Variants in RAPGEF4 observed in about 807,000 individuals in gnomAD.
RAPGEF4 encodes RAP guanine-nucleotide-exchange factor (GEF) 4.
Under a neutral mutation model 147.9 loss-of-function variants are expected in RAPGEF4, and 66 were observed. That is an observed-to-expected ratio of 0.45 (90% CI 0.37 to 0.55). The LOEUF is 0.55. Ranked by LOEUF, RAPGEF4 falls within the 20% of genes least tolerant of loss-of-function variation. The pLI is 0.00. For synonymous variants in RAPGEF4, 419 were observed against 442.7 expected (o/e 0.95, Z 0.67); for missense variants, 1,071 against 1,257.3 (o/e 0.85, Z 2.24).
chr2:172,933,470 G>A (rs2150100617), intron 6 of RAPGEF4, among the ~76,000 whole-genome samples: 1 of 152,284 alleles, frequency 6.6e-6, no homozygotes, highest in Admixed American at 6.5e-5. Flanking sequence ...GTACTGGGCA[G>A]TATCCAAGAA....
intron 4 of RAPGEF4, among the ~76,000 whole-genome samples, chr2:172,816,644 A>AGT (rs1559055689): frequency 7.9e-5 from 12 of 152,306 alleles, no homozygotes; most frequent in African/African-American, 2.6e-4. Flanking sequence ...TGTCCTTGCT[A>AGT]TCTAAAACCT....
At chr2:172,953,377 TATAA>T (rs911457011) in intron 6 of RAPGEF4, among the ~76,000 whole-genome samples, 1 of 147,938 alleles carries the variant, frequency 6.8e-6, no homozygotes, top group Admixed American at 6.8e-5. Context: ...GAGAATTATA[TATAA>T]ATATGTTATA....
intron 9 of RAPGEF4, among the ~76,000 whole-genome samples, chr2:172,966,311 A>G (rs956063259): frequency 6.6e-6 from 1 of 152,164 alleles, no homozygotes; most frequent in Non-Finnish European, 1.5e-5. Context: ...CATTCATTTC[A>G]TTTACCAACA....
intron 10 of RAPGEF4, among the ~76,000 whole-genome samples, chr2:172,969,108 G>T (rs1338352569): frequency 1.3e-5 from 2 of 152,192 alleles, no homozygotes; most frequent in Non-Finnish European, 2.9e-5. Context: ...GCAGTACCTA[G>T]GAACCCAACA....
intron 4 of RAPGEF4, among the ~76,000 whole-genome samples, chr2:172,916,483 G>A (rs1467525340): frequency 6.6e-6 from 1 of 152,116 alleles, no homozygotes; most frequent in African/African-American, 2.4e-5. Flanking sequence ...TGAAGAAGAA[G>A]AAGAGTAGAT....
intron 4 of RAPGEF4, among the ~76,000 whole-genome samples, chr2:172,815,580 A>T (rs1000119908): frequency 2.0e-5 from 3 of 152,348 alleles, no homozygotes; most frequent in African/African-American, 7.2e-5. Context: ...ATTAAAAGGG[A>T]CCAAGCTTGA....
chr2:172,860,791 T>A (rs910290178), intron 4 of RAPGEF4, among the ~76,000 whole-genome samples: 1 of 152,214 alleles, frequency 6.6e-6, no homozygotes, highest in East Asian at 1.9e-4. Flanking sequence ...GTTTGTATTG[T>A]TTCATATCTG....
intron 1 of RAPGEF4, among the ~76,000 whole-genome samples, chr2:172,750,208 C>T (rs189444470): frequency 5.9e-4 from 90 of 152,182 alleles, no homozygotes; most frequent in Admixed American, 1.8e-3. Context: ...CCCCACTCTC[C>T]TGGTACCAAT....
At chr2:172,870,832 A>G (rs987729696) in intron 4 of RAPGEF4, among the ~76,000 whole-genome samples, 4 of 152,206 alleles carry the variant, frequency 2.6e-5, no homozygotes, top group African/African-American at 9.6e-5. Flanking sequence ...CGTATAACTA[A>G]ATACAGACTA....
chr2:172,918,010 G>A (rs1684266348), intron 5 of RAPGEF4, 136 bp downstream of exon 5: 1 of 793,774 alleles, frequency 1.3e-6, no homozygotes. Flanking sequence ...AAACCTGCCA[G>A]CTCACACTGG....
chr2:172,782,138 A>G (rs1684739934), intron 1 of RAPGEF4, among the ~76,000 whole-genome samples: 1 of 152,228 alleles, frequency 6.6e-6, no homozygotes, highest in South Asian at 2.1e-4. Context: ...ACAAATAACT[A>G]ATAAATAACT....
At chr2:172,821,943 A>G in intron 4 of RAPGEF4, 1 of 1,613,528 alleles carries the variant, frequency 6.2e-7, no homozygotes, top group Non-Finnish European at 8.5e-7. Flanking sequence ...GAGAACTTTG[A>G]GAGACCGAAA....
At chr2:172,749,478 A>C (rs530415937) in intron 1 of RAPGEF4, among the ~76,000 whole-genome samples, 241 of 152,300 alleles carry the variant, frequency 1.6e-3, no homozygotes, top group Non-Finnish European at 2.5e-3. Context: ...TTAGCCATGG[A>C]TAGAGCAGCT....
intron 2 of RAPGEF4, 125 bp from the exon 3 acceptor site, chr2:172,797,400 A>G: frequency 1.5e-6 from 1 of 649,506 alleles, no homozygotes; most frequent in Non-Finnish European, 2.7e-6. Context: ...TGTGGGCAAC[A>G]GATAGGGGAA....
chr2:173,035,817 C>T (rs1371747259), intron 27 of RAPGEF4, among the ~76,000 whole-genome samples: 1 of 152,062 alleles, frequency 6.6e-6, no homozygotes, highest in Non-Finnish European at 1.5e-5. Flanking sequence ...AATGATAAGA[C>T]AATTATAAGG....
chr2:173,040,886 T>A (rs1041697982), intron 29 of RAPGEF4, among the ~76,000 whole-genome samples: 2 of 152,172 alleles, frequency 1.3e-5, no homozygotes, highest in African/African-American at 2.4e-5. Flanking sequence ...ACATGAATAT[T>A]TATAACATTT....
At chr2:172,998,301 A>G (rs1693566576) in intron 16 of RAPGEF4, among the ~76,000 whole-genome samples, 1 of 152,252 alleles carries the variant, frequency 6.6e-6, no homozygotes, top group South Asian at 2.1e-4. Flanking sequence ...TAATATTAGC[A>G]CTGACCTAGA....
chr2:172,815,480 G>A (rs563190867), intron 4 of RAPGEF4, among the ~76,000 whole-genome samples: 23 of 152,282 alleles, frequency 1.5e-4, no homozygotes, highest in African/African-American at 3.4e-4. Context: ...AGCTCCAACC[G>A]TTCTGTAAAG....
At chr2:172,751,745 A>T (rs545943763) in intron 1 of RAPGEF4, among the ~76,000 whole-genome samples, 1 of 152,296 alleles carries the variant, frequency 6.6e-6, no homozygotes, top group South Asian at 2.1e-4. Flanking sequence ...TATTTTACAG[A>T]ACAGAGGTCG....
Sources: gnomAD v4.1 joint callset for allele counts (sites outside exome capture counted in the v4.1 genomes callset) on GRCh38, gnomAD v4.1.1 for gene constraint, MANE v1.5 for transcripts, NCBI Gene and HGNC (gene_info 2026-07-23, HGNC 2026-07-21) for gene names.